The following DLG2 variants were observed in gnomAD, a reference collection of about 807,000 sequenced individuals.
The protein encoded by DLG2 is discs large MAGUK scaffold protein 2.
In DLG2, 45 loss-of-function variants were observed where a neutral mutation model predicts 132.5. The ratio of observed to expected loss-of-function variants is 0.34; its 90% CI spans 0.27 to 0.44. The LOEUF (loss-of-function observed/expected upper bound fraction) is 0.44, where lower values mean the gene tolerates loss of function less well. Ranked by LOEUF, DLG2 falls within the 20% of genes least tolerant of loss-of-function variation. The pLI is 1.00. For synonymous variants in DLG2, 424 were observed against 419.6 expected, an observed-to-expected ratio of 1.01 and a Z score of -0.13; for missense variants, 1,045 against 1,196.9, an observed-to-expected ratio of 0.87 and a Z score of 1.87.
chr11:85,529,133 T>C (rs894193093), intron 3 of DLG2, among the ~76,000 whole-genome samples: 1 of 152,190 alleles, frequency 6.6e-6, no homozygotes, highest in Non-Finnish European at 1.5e-5. Context: ...CACACAATTG[T>C]TGAGAGGTCG....
chr11:84,066,916 TAC>T (rs2096682634), intron 10 of DLG2, among the ~76,000 whole-genome samples: 1 of 152,142 alleles, frequency 6.6e-6, no homozygotes, highest in Non-Finnish European at 1.5e-5. Context: ...ATGAATTAAT[TAC>T]AGACCAAAGG....
chr11:83,610,690 T>A, intron 19 of DLG2, among the ~76,000 whole-genome samples: 1 of 152,140 alleles, frequency 6.6e-6, no homozygotes, highest in East Asian at 1.9e-4. Flanking sequence ...ATAATAATAA[T>A]AATAAATAAT....
rs1303696519 is a variant in DLG2, at chr11:84,218,218, AGAAAGGAAGGAAGGAAG to A, written c.573+33003_573+33019del. On this transcript the variant is annotated intron_variant, in intron 8 of 27. Coordinates refer to ENST00000376104, the MANE Select transcript of DLG2 (RefSeq NM_001142699.3). Reference sequence around the variant, plus strand: ...AGAAGGAAAGGAAGGAAGGAAGGAAAGAAAGGAAGGAAGGAAGGAAAGGAAGGAAGGAAGGAAGGAGG... The same window carrying A: ...AGAAGGAAAGGAAGGAAGGAAGGAAAGAAAGGAAGGAAGGAAGGAAGGAGG... Among the ~76,000 whole-genome samples the A allele has an allele frequency of 4.7e-5, 7 of 148,518 alleles. No homozygotes were observed. In the South Asian group the frequency reaches 1.1e-3, roughly 23 times the overall value.
chr11:83,501,113 A>G (rs866433735), intron 21 of DLG2, among the ~76,000 whole-genome samples: 1 of 152,032 alleles, frequency 6.6e-6, no homozygotes, highest in African/African-American at 2.4e-5. Flanking sequence ...TTAAATTCCC[A>G]TATGTTAGAT....
intron 6 of DLG2, among the ~76,000 whole-genome samples, chr11:84,602,533 A>G (rs1034368645): frequency 6.6e-6 from 1 of 152,046 alleles, no homozygotes; most frequent in African/African-American, 2.4e-5. Flanking sequence ...AAACACTATG[A>G]TTCTATTTTC....
intron 17 of DLG2, among the ~76,000 whole-genome samples, chr11:83,795,249 C>A (rs1566989539): frequency 3.3e-5 from 5 of 150,538 alleles, no homozygotes; most frequent in African/African-American, 9.7e-5. Context: ...ACTAAAAATA[C>A]AAAAAAAAAT....
intron 6 of DLG2, among the ~76,000 whole-genome samples, chr11:85,102,586 C>G (rs2071052113): frequency 6.6e-6 from 1 of 151,924 alleles, no homozygotes; most frequent in African/African-American, 2.4e-5. Flanking sequence ...AACAAAAATT[C>G]CCCTTTCATA....
chr11:84,878,085 G>A (rs551803706), intron 6 of DLG2, among the ~76,000 whole-genome samples: 7 of 152,270 alleles, frequency 4.6e-5, no homozygotes, highest in African/African-American at 1.7e-4. Context: ...AGTATGTGAA[G>A]AAATAGGAAT....
At chr11:84,975,715 C>T (rs191112523) in intron 6 of DLG2, among the ~76,000 whole-genome samples, 1 of 152,302 alleles carries the variant, frequency 6.6e-6, no homozygotes, top group Admixed American at 6.5e-5. Flanking sequence ...ACTTCCCAGA[C>T]ATTTTCAAAC....
chr11:83,599,765 TTC>T (rs1312571848), intron 19 of DLG2, among the ~76,000 whole-genome samples: 2 of 152,206 alleles, frequency 1.3e-5, no homozygotes, highest in Non-Finnish European at 2.9e-5. Flanking sequence ...GTCCTACTAG[TTC>T]TCTCTTTCTC....
At chr11:83,911,329 A>G (rs1462403765) in intron 15 of DLG2, among the ~76,000 whole-genome samples, 2 of 152,126 alleles carry the variant, frequency 1.3e-5, no homozygotes, top group East Asian at 3.9e-4. Context: ...TATAATTATC[A>G]TTCTATATTG....
chr11:83,757,162 A>G (rs2093682351), intron 18 of DLG2, among the ~76,000 whole-genome samples: 1 of 152,176 alleles, frequency 6.6e-6, no homozygotes, highest in Non-Finnish European at 1.5e-5. Context: ...TTTCACTATG[A>G]AGAAAAATGA....
intron 7 of DLG2, among the ~76,000 whole-genome samples, chr11:84,324,671 T>C (rs1233234040): frequency 6.6e-6 from 1 of 152,156 alleles, no homozygotes; most frequent in African/African-American, 2.4e-5. Context: ...TCCATGCACA[T>C]TTACATTTAT....
At chr11:85,417,527 TC>T (rs1247208869) in intron 3 of DLG2, among the ~76,000 whole-genome samples, 1 of 152,166 alleles carries the variant, frequency 6.6e-6, no homozygotes, top group Non-Finnish European at 1.5e-5. Context: ...TGACACCAGC[TC>T]CTCTTTATAC....
intron 7 of DLG2, among the ~76,000 whole-genome samples, chr11:84,266,669 C>A (rs2154361033): frequency 6.6e-6 from 1 of 152,326 alleles, no homozygotes; most frequent in African/African-American, 2.4e-5. Flanking sequence ...CATCACTGAA[C>A]AAATCCTATT....
intron 5 of DLG2, among the ~76,000 whole-genome samples, chr11:85,128,708 G>T (rs1335990572): frequency 2.6e-5 from 4 of 151,954 alleles, no homozygotes; most frequent in South Asian, 2.1e-4. Flanking sequence ...AAACTTATTG[G>T]GATTATTTAT....
At chr11:83,653,855 T>C (rs557219806) in intron 18 of DLG2, among the ~76,000 whole-genome samples, 11 of 152,058 alleles carry the variant, frequency 7.2e-5, no homozygotes, top group Non-Finnish European at 1.2e-4. Context: ...CCCGAGTAGC[T>C]GGTATTACAG....
intron 3 of DLG2, among the ~76,000 whole-genome samples, chr11:85,480,245 T>A (rs1472211635): frequency 6.6e-6 from 1 of 152,206 alleles, no homozygotes; most frequent in African/African-American, 2.4e-5. Context: ...ATTCCACAAC[T>A]ATGTATTTAG....
chr11:84,805,589 G>T (rs1242740493), intron 6 of DLG2, among the ~76,000 whole-genome samples: 1 of 152,052 alleles, frequency 6.6e-6, no homozygotes, highest in Non-Finnish European at 1.5e-5. Flanking sequence ...GATCGGGTTG[G>T]TTGTTTTAAA....
Sources: allele counts gnomAD v4.1 joint callset (sites outside exome capture counted in the v4.1 genomes callset), GRCh38; gene constraint gnomAD v4.1.1; transcripts MANE v1.5; gene names NCBI Gene and HGNC (gene_info 2026-07-23, HGNC 2026-07-21).